The following KDM5A variants were observed in gnomAD, a reference collection of about 807,000 sequenced individuals.
The protein encoded by KDM5A is lysine demethylase 5A.
A neutral mutation model predicts 193.5 loss-of-function variants in KDM5A; 42 were observed. That is an observed-to-expected ratio of 0.22 (90% CI 0.17 to 0.28). KDM5A has a LOEUF of 0.28. Ranked by LOEUF, KDM5A falls within the 10% of genes least tolerant of loss-of-function variation. KDM5A has a pLI of 1.00. For missense variants in KDM5A, 1,692 were observed against 2,055.1 expected (o/e 0.82, Z 3.42); for synonymous variants, 796 against 718.1 (o/e 1.11, Z -1.73).
intron 5 of KDM5A, among the ~76,000 whole-genome samples, chr12:361,281 G>A (rs746693024): frequency 2.2e-4 from 34 of 151,676 alleles, no homozygotes; most frequent in African/African-American, 4.4e-4. Flanking sequence ...TGTAAGCTCC[G>A]CCTTCCAGGT....
chr12:385,786 A>T, intron 2 of KDM5A, 111 bp downstream of exon 2: 1 of 813,096 alleles, frequency 1.2e-6, no homozygotes. Context: ...TCCATTCAAT[A>T]CCAATTAACA....
At chr12:350,871 A>G (rs867449761) in intron 9 of KDM5A, 92 bp from the exon 10 acceptor site, 28 of 1,129,236 alleles carry the variant, frequency 2.5e-5, no homozygotes, top group Non-Finnish European at 3.6e-5. Context: ...ACACAAACCC[A>G]TGATGAGATT....
chr12:285,004 T>C lies in KDM5A; in HGVS notation c.*452A>G, dbSNP rs1286929326. On this transcript the variant is annotated 3_prime_UTR_variant, in exon 28 of 28. Coordinates refer to ENST00000399788, the MANE Select transcript of KDM5A (RefSeq NM_001042603.3). ...GTACCAGGTAACAGTGGAAGGAAAG[T>C]GGTACTCCAATCCCTCTCCAACTAT... is the stretch of plus-strand genomic sequence containing the variant. The C allele has an allele frequency of 7.5e-6, 2 of 266,220 alleles. No individual in the cohort carries two copies. The highest frequency in any genetic ancestry group is 1.5e-5 in the Non-Finnish European group (2 of 136,874). 16.5% of individuals were successfully genotyped at this position (266,220 alleles called of 1,614,324 possible).
At chr12:333,238 A>AT (rs1943885351) in intron 12 of KDM5A, 1 of 504,122 alleles carries the variant, frequency 2.0e-6, no homozygotes, top group East Asian at 3.6e-5. Context: ...GGGCAACACA[A>AT]TAAGGCTTCG....
chr12:320,678 A>G (rs1943706628), intron 18 of KDM5A, among the ~76,000 whole-genome samples: 1 of 152,214 alleles, frequency 6.6e-6, no homozygotes, highest in African/African-American at 2.4e-5. Context: ...ACGTATTATT[A>G]ACACTGATAC....
rs746021344 is a variant in KDM5A at position 318,273 on chromosome 12, G to C, written c.2730C>G (p.Thr910=). The C allele has an allele frequency of 1.9e-6, 3 of 1,614,154 alleles. No individual in the cohort carries two copies. Among genetic ancestry groups the C allele is most frequent in the Non-Finnish European group, 2.5e-6 (3 of 1,180,028 alleles). The part of the protein sequence containing the change: ...QARWLDEVRL[T]LSDPQQVTLD... Reference sequence around the variant, plus strand: ...AAGTGACTTGTTGCGGATCTGATAAGGTCAGTCTTACTTCGTCCAACCACC... The same window carrying C: ...AAGTGACTTGTTGCGGATCTGATAACGTCAGTCTTACTTCGTCCAACCACC... The change falls in exon 19 of 28, where the codon ACC becomes ACG. Residue 910 remains threonine, a synonymous_variant. Transcript: ENST00000399788.
chr12:374,725 A>G (rs1323144372), intron 3 of KDM5A, among the ~76,000 whole-genome samples: 2 of 152,078 alleles, frequency 1.3e-5, no homozygotes, highest in Non-Finnish European at 2.9e-5. Context: ...TTGTTCCTTT[A>G]CATGTTTAGT....
chr12:384,056 A>G lies in KDM5A; in HGVS notation c.341T>C (p.Ile114Thr). ...CTTGCTCAAAGCATACAGATCCAGG[A>G]TTTTTCTCTCTACCACAGGGATCTT... The part of the protein sequence containing the change: ...TLKIPVVERK[I>T]LDLYALSKIV... The change falls in exon 3 of 28, where the codon ATC becomes ACC. Residue 114 changes from isoleucine (I) to threonine (T), a missense_variant. Ile to Thr is a moderately conservative substitution (Grantham distance 89). Transcript: ENST00000399788. 2 of 1,614,016 alleles carry G rather than the reference A, an allele frequency of 1.2e-6. No individual in the cohort carries two copies. Among genetic ancestry groups the G allele is most frequent in the South Asian group, 2.2e-5 (2 of 91,084 alleles).
intron 9 of KDM5A, among the ~76,000 whole-genome samples, chr12:351,716 C>T (rs1479935839): frequency 6.6e-6 from 1 of 152,126 alleles, no homozygotes; most frequent in South Asian, 2.1e-4. Context: ...CATCTGTAAT[C>T]CCAACACTTT....
In KDM5A at chr12:292,741, T is replaced by C. The variant is rs921447745; in HGVS notation, c.4866+18A>G. ...CTCCTTGACCTCTCATGCTTGACTA[T>C]AAACAGTTGGAACTCACCTTGTCCT... On this transcript the variant is annotated intron_variant, in intron 27 of 27. Transcript: ENST00000399788. The C allele has an allele frequency of 1.2e-6, 2 of 1,614,230 alleles. No individual in the cohort carries two copies.
Position 280,477 on chromosome 12 carries a change from CCCT to C in KDM5A, c.*4976_*4978del. ...TCCCTGCCCCCGCTCTTTCAACCAA[CCCT>C]CCTCCTAACATACACATACAGAGTT... On this transcript the variant is annotated 3_prime_UTR_variant, in exon 28 of 28. Transcript: ENST00000399788. The C allele has an allele frequency of 8.6e-6, 2 of 233,094 alleles. No homozygotes were observed. The highest frequency in any genetic ancestry group is 5.6e-5 in the Admixed American group (1 of 17,790). The allele number at this position is 233,094 out of a possible 1,614,324, so 14.4% of individuals were successfully genotyped here.
intron 14 of KDM5A, among the ~76,000 whole-genome samples, chr12:327,681 C>G (rs147254287): frequency 0.017 from 2,563 of 152,158 alleles, 85 homozygotes; most frequent in South Asian, 0.14. Flanking sequence ...GCACTCCAGC[C>G]TGAGCAACAC....
At chr12:382,452 T>C (rs553543313) in intron 3 of KDM5A, among the ~76,000 whole-genome samples, 4 of 147,040 alleles carry the variant, frequency 2.7e-5, no homozygotes, top group African/African-American at 1.0e-4. Context: ...AACAAGGGCG[T>C]GACTCCATTT....
intron 3 of KDM5A, among the ~76,000 whole-genome samples, chr12:376,844 C>G (rs1361384673): frequency 6.6e-6 from 1 of 151,966 alleles, no homozygotes; most frequent in South Asian, 2.1e-4. Flanking sequence ...TCAAATAGAC[C>G]AAGAAAGGAA....
intron 19 of KDM5A, among the ~76,000 whole-genome samples, chr12:317,211 C>T (rs957088090): frequency 6.6e-6 from 1 of 152,194 alleles, no homozygotes; most frequent in African/African-American, 2.4e-5. Flanking sequence ...GAATCCTCCA[C>T]TCCAGGGAAA....
intron 15 of KDM5A, 114 bp from the exon 16 acceptor site, chr12:323,320 A>C: frequency 1.6e-6 from 2 of 1,259,434 alleles, no homozygotes; most frequent in Non-Finnish European, 1.1e-6. Context: ...GGAAAATACA[A>C]TGGCCAAGGG....
intron 5 of KDM5A, among the ~76,000 whole-genome samples, chr12:357,806 C>T (rs58778316): frequency 0.038 from 4,330 of 112,932 alleles, 273 homozygotes; most frequent in African/African-American, 0.14. Context: ...CCAGCCTGGG[C>T]GACAGAGCAA....
At chr12:386,093 CTTCT>C in intron 1 of KDM5A, 119 bp from the exon 2 acceptor site, 1 of 718,102 alleles carries the variant, frequency 1.4e-6, no homozygotes. Flanking sequence ...ACTTACAAGT[CTTCT>C]TTATTATAGA....
chr12:283,730 A>ATC lies in KDM5A; in HGVS notation c.*1725_*1726insGA. 1 of 233,066 alleles carries ATC rather than the reference A, an allele frequency of 4.3e-6. No individual in the cohort carries two copies. The highest frequency in any genetic ancestry group is 2.2e-5 in the African/African-American group (1 of 45,308). The allele number at this position is 233,066 out of a possible 1,614,324, so 14.4% of individuals were successfully genotyped here. On this transcript the variant is annotated 3_prime_UTR_variant, in exon 28 of 28. Coordinates refer to ENST00000399788, the MANE Select transcript of KDM5A (RefSeq NM_001042603.3). ...AATCCCCCCTTTAAAAGGAAAACTG[A>ATC]TGAATTTAAGTCAAACCACAGATTT...
Sources: gnomAD v4.1 joint callset for allele counts (sites outside exome capture counted in the v4.1 genomes callset) on GRCh38, gnomAD v4.1.1 for gene constraint, MANE v1.5 for transcripts, NCBI Gene and HGNC (gene_info 2026-07-23, HGNC 2026-07-21) for gene names.